IL12A: variants seen among roughly 807,000 people sequenced by gnomAD.
IL12A encodes interleukin-12 subunit alpha.
IL12A carries 16 observed loss-of-function variants against 23.5 expected under a neutral mutation model. The ratio of observed to expected loss-of-function variants is 0.68; its 90% CI spans 0.46 to 1.03. The LOEUF is 1.03. IL12A is among the 50% of genes least tolerant of loss of function. The pLI, the probability that IL12A is intolerant of heterozygous loss-of-function variation, is 0.00. For synonymous variants in IL12A, 106 were observed against 111.5 expected, an observed-to-expected ratio of 0.95 and a Z score of 0.31; for missense variants, 275 against 307.0, an observed-to-expected ratio of 0.90 and a Z score of 0.78.
In IL12A at chr3:159,994,470, C is replaced by T. The variant is rs1300796179; in HGVS notation, c.606+626C>T. On this transcript the variant is annotated intron_variant, in intron 6 of 6. Transcript: ENST00000305579. ...CCATAACACAGATGCTAATATAAAA[C>T]AAATATTTATATAAGCGAGGGTGAC... Among the ~76,000 whole-genome samples the T allele has an allele frequency of 2.0e-5, 3 of 152,048 alleles. No individual in the cohort carries two copies. The East Asian group carries it at 5.8e-4, about 29-fold the overall frequency.
rs1560121195 is a variant in IL12A, at chr3:159,989,081, C to CA, written c.26dup (p.Pro10AlafsTer92). On this transcript the variant is annotated frameshift_variant, in exon 1 of 7. Coordinates refer to ENST00000305579, the MANE Select transcript of IL12A (RefSeq NM_000882.4). LOFTEE classifies it high-confidence loss of function. ...AATGTGGCCCCCTGGGTCAGCCTCC[C>CA]AGCCACCGCCCTCACCTGCCGCGGC... 6.2e-7 allele frequency: 1 copy of CA among 1,613,330 alleles called. No homozygotes were observed. Among genetic ancestry groups the CA allele is most frequent in the Non-Finnish European group, 8.5e-7 (1 of 1,179,790 alleles).
At chr3:159,992,745 G>A (rs1245693045) in intron 2 of IL12A, among the ~76,000 whole-genome samples, 2 of 152,226 alleles carry the variant, frequency 1.3e-5, no homozygotes, top group South Asian at 2.1e-4. Context: ...AGCACAGGCT[G>A]TTGACATGAT....
At chr3:159,992,230 C>T (rs1720343384) in intron 2 of IL12A, among the ~76,000 whole-genome samples, 1 of 152,190 alleles carries the variant, frequency 6.6e-6, no homozygotes, top group African/African-American at 2.4e-5. Flanking sequence ...GGAAGCTTTG[C>T]TTCCCTTCCT....
chr3:159,989,125 G>C lies in IL12A; in HGVS notation c.69G>C (p.Ala23=). 9 of 1,612,458 alleles carry C rather than the reference G, an allele frequency of 5.6e-6. No individual in the cohort carries two copies. The highest frequency in any genetic ancestry group is 7.6e-6 in the Non-Finnish European group (9 of 1,179,624). Residue 23 remains alanine, a synonymous_variant, in exon 1 of 7, where the codon GCG becomes GCC. Coordinates refer to ENST00000305579, the MANE Select transcript of IL12A (RefSeq NM_000882.4). ...CCGCGGCCACAGGTCTGCATCCAGC[G>C]GCTCGCCCTGTGTCCCTGCAGTGCC...
chr3:159,989,485 T>G (rs561682893), intron 1 of IL12A, among the ~76,000 whole-genome samples: 186 of 152,290 alleles, frequency 1.2e-3, no homozygotes, highest in African/African-American at 4.4e-3. Context: ...CCTAGCCAGT[T>G]CTAAAGTCAG....
rs1720401714 is a variant in IL12A, at chr3:159,993,790, G to T, written c.552G>T (p.Lys184Asn). The T allele has an allele frequency of 6.2e-7, 1 of 1,614,160 alleles. No individual in the cohort carries two copies. The highest frequency in any genetic ancestry group is 8.5e-7 in the Non-Finnish European group (1 of 1,179,996). Residue 184 changes from lysine to asparagine, a missense_variant, in exon 6 of 7, where the codon AAG becomes AAT. Transcript: ENST00000305579. The stretch of plus-strand genomic sequence containing the variant: ...ATGCAAAGCTTCTGATGGATCCTAA[G>T]AGGCAGATCTTTCTAGATCAAAACA...
intron 3 of IL12A, 126 bp from the exon 4 acceptor site, chr3:159,993,325 A>AAAAT: frequency 2.5e-6 from 2 of 801,864 alleles, no homozygotes; most frequent in Non-Finnish European, 4.0e-6. Flanking sequence ...TTAACACTTA[A>AAAAT]AAATAGTTCA....
At position 159,993,586 on chromosome 3, in the gene IL12A, T is replaced by A. The variant is rs761941291; in HGVS notation, c.439T>A (p.Ser147Thr). The change falls in exon 5 of 7, where the codon TCC (serine) becomes ACC (threonine). Residue 147 changes from serine to threonine, a missense_variant. Transcript: ENST00000305579. The stretch of plus-strand genomic sequence containing the variant: ...CCTCTAGAATGGGAGTTGCCTGGCC[T>A]CCAGAAAGACCTCTTTTATGATGGT... The A allele has an allele frequency of 1.2e-6, 2 of 1,614,184 alleles. No homozygotes were observed. Among genetic ancestry groups the A allele is most frequent in the African/African-American group, 2.7e-5 (2 of 75,064 alleles).
chr3:159,990,633 T>C (rs1720271526), intron 2 of IL12A, among the ~76,000 whole-genome samples: 1 of 152,232 alleles, frequency 6.6e-6, no homozygotes, highest in Non-Finnish European at 1.5e-5. Context: ...ACATGGTTTC[T>C]CTGGCACCAC....
At position 159,993,787 on chromosome 3, in the gene IL12A, T is replaced by G. The variant is rs1720401623; in HGVS notation, c.549T>G (p.Pro183=). 1 of 1,614,184 alleles carries G rather than the reference T, an allele frequency of 6.2e-7. No individual in the cohort carries two copies. The highest frequency in any genetic ancestry group is 1.3e-5 in the African/African-American group (1 of 75,056). ...TGAATGCAAAGCTTCTGATGGATCC[T>G]AAGAGGCAGATCTTTCTAGATCAAA... Residue 183 remains proline, a synonymous_variant, in exon 6 of 7, where the codon CCT becomes CCG. Coordinates refer to ENST00000305579, the MANE Select transcript of IL12A (RefSeq NM_000882.4).
In IL12A at chr3:159,993,463, C is replaced by T. The variant is rs1350439475; in HGVS notation, c.391C>T (p.Leu131=). 6.2e-7 allele frequency: 1 copy of T among 1,611,870 alleles called. No homozygotes were observed. ...TTTTTCCCTCTAGAATGAGAGTTGC[C>T]TAAATTCCAGAGAGACCTCTTTCAT... is the stretch of plus-strand genomic sequence containing the variant. The change falls in exon 4 of 7, where the codon CTA becomes TTA. Residue 131 remains leucine, a synonymous_variant. Coordinates refer to ENST00000305579, the MANE Select transcript of IL12A (RefSeq NM_000882.4).
intron 6 of IL12A, among the ~76,000 whole-genome samples, chr3:159,995,147 T>G (rs1462474437): frequency 1.3e-5 from 2 of 152,182 alleles, no homozygotes. Flanking sequence ...AAGACACAAC[T>G]CCCACTGATG....
intron 2 of IL12A, among the ~76,000 whole-genome samples, chr3:159,991,435 A>G (rs1720306347): frequency 6.6e-6 from 1 of 152,238 alleles, no homozygotes; most frequent in Admixed American, 6.5e-5. Flanking sequence ...CCATTCAAAA[A>G]CCAAACATTT....
rs1022274172 is a variant in IL12A at position 159,995,692 on chromosome 3, C to A, written c.*133C>A. ...ATTACATCCACATGATACCTCTGATCAAGTATTTTTGACATTTACTGTGGA... is the reference window on the plus strand; with the variant it reads ...ATTACATCCACATGATACCTCTGATAAAGTATTTTTGACATTTACTGTGGA... On this transcript the variant is annotated 3_prime_UTR_variant, in exon 7 of 7. Transcript: ENST00000305579. 4 of 555,070 alleles carry A rather than the reference C, an allele frequency of 7.2e-6. No individual in the cohort carries two copies. The highest frequency in any genetic ancestry group is 3.3e-5 in the Admixed American group (1 of 30,682). The allele number at this position is 555,070 out of a possible 1,614,324, so 34.4% of individuals were successfully genotyped here. A position where few individuals can be genotyped will look rare whatever the true frequency, so the allele number is the denominator to read the frequency against.
intron 2 of IL12A, among the ~76,000 whole-genome samples, chr3:159,991,487 G>A (rs992582016): frequency 6.6e-6 from 1 of 152,124 alleles, no homozygotes; most frequent in African/African-American, 2.4e-5. Flanking sequence ...GAAAAGATCT[G>A]AAGAACAACA....
intron 2 of IL12A, 93 bp from the exon 3 acceptor site, chr3:159,992,919 C>T (rs1577558534): frequency 7.3e-6 from 5 of 680,508 alleles, no homozygotes; most frequent in East Asian, 2.7e-5. Context: ...GGCAGCCAGC[C>T]GGAGCCTTCC....
intron 6 of IL12A, among the ~76,000 whole-genome samples, chr3:159,994,565 A>G (rs2108048076): frequency 7.3e-6 from 1 of 137,158 alleles, no homozygotes; most frequent in East Asian, 2.1e-4. Flanking sequence ...TAATTGTTTT[A>G]CTTTTATTCT....
At chr3:159,994,600 G>GTA (rs565711355) in intron 6 of IL12A, among the ~76,000 whole-genome samples, 2,009 of 151,894 alleles carry the variant, frequency 0.013, 64 homozygotes, top group African/African-American at 0.046. Flanking sequence ...GTGTGTGTGT[G>GTA]TGTGTGTGTG....
intron 3 of IL12A, 87 bp downstream of exon 3, chr3:159,993,212 G>A (rs764286210): frequency 3.7e-6 from 3 of 806,512 alleles, no homozygotes; most frequent in South Asian, 1.6e-5. Context: ...CACGTTTCTG[G>A]TATCCATCAT....
Sources: allele counts gnomAD v4.1 joint callset (sites outside exome capture counted in the v4.1 genomes callset), GRCh38; gene constraint gnomAD v4.1.1; transcripts MANE v1.5; gene names NCBI Gene and HGNC (gene_info 2026-07-23, HGNC 2026-07-21).